TNRC6C: variants seen among roughly 807,000 people sequenced by gnomAD.
TNRC6C encodes trinucleotide repeat-containing gene 6C protein.
In TNRC6C, 20 loss-of-function variants were observed where a neutral mutation model predicts 153.7. The ratio of observed to expected loss-of-function variants is 0.13; its 90% CI spans 0.09 to 0.19. The LOEUF is 0.19. Ranked by LOEUF, TNRC6C falls within the 10% of genes least tolerant of loss-of-function variation. The pLI, the probability that TNRC6C is intolerant of heterozygous loss-of-function variation, is 1.00. For missense variants in TNRC6C, 1,987 were observed against 2,172.0 expected (o/e 0.91, Z 1.69); for synonymous variants, 811 against 841.4 (o/e 0.96, Z 0.63).
upstream of TNRC6C, among the ~76,000 whole-genome samples, chr17:78,003,128 G>T (rs2071437786): frequency 6.6e-6 from 1 of 152,138 alleles, no homozygotes; most frequent in Non-Finnish European, 1.5e-5. Context: ...GTGATCAGGT[G>T]GGGGAAACTA....
At chr17:78,052,680 T>C (rs2072561544) in intron 3 of TNRC6C, among the ~76,000 whole-genome samples, 1 of 152,124 alleles carries the variant, frequency 6.6e-6, no homozygotes, top group Admixed American at 6.5e-5. Flanking sequence ...GCTGCATTAA[T>C]TCAATTATGA....
intron 1 of TNRC6C, among the ~76,000 whole-genome samples, chr17:78,006,495 C>T (rs866392126): frequency 0.017 from 77 of 4,632 alleles, no homozygotes; most frequent in East Asian, 0.027. Flanking sequence ...CTTCTTCTTT[C>T]TTCTTCTTCT....
chr17:77,990,159 T>A (rs1008335723), intron 1 of TNRC6C, among the ~76,000 whole-genome samples: 3 of 152,182 alleles, frequency 2.0e-5, no homozygotes, highest in Non-Finnish European at 4.4e-5. Context: ...TTCTGTTCAT[T>A]TTGTCTTCTG....
In TNRC6C at chr17:78,079,351, C is replaced by G; in HGVS notation, c.3211-44C>G. ...CACCCTACCTCCAAACAATGTTACTCTAATGCCTGCCTTGGTAACGTGTTT... is the reference window on the plus strand; with the variant it reads ...CACCCTACCTCCAAACAATGTTACTGTAATGCCTGCCTTGGTAACGTGTTT... On this transcript the variant is annotated intron_variant, in intron 9 of 19. Transcript: ENST00000301624. The surrounding 1 kb of genome is among the most constrained non-coding windows in gnomAD (Gnocchi z 4.3). 1 of 1,604,164 alleles carries G rather than the reference C, an allele frequency of 6.2e-7. No individual in the cohort carries two copies.
chr17:78,098,558 G>T, intron 17 of TNRC6C, 21 bp downstream of exon 20: 2 of 1,604,766 alleles, frequency 1.2e-6, no homozygotes, highest in South Asian at 1.1e-5. Flanking sequence ...TGCTCCTCGT[G>T]TTCCGATGGG....
At chr17:78,066,069 A>G (rs1029524337) in intron 4 of TNRC6C, among the ~76,000 whole-genome samples, 5 of 152,072 alleles carry the variant, frequency 3.3e-5, no homozygotes, top group Admixed American at 6.6e-5. Context: ...CATCTCTACT[A>G]AAAATACAAA....
chr17:78,062,598 A>C lies in TNRC6C; in HGVS notation c.2396-2124A>C, dbSNP rs986150003. On this transcript the variant is annotated intron_variant, in intron 3 of 19. Coordinates refer to ENST00000301624, the Ensembl canonical transcript of TNRC6C. ...AAAATTACAACTGATACAAGCTGTC[A>C]ACATATCAACAGTGTCAGGTGAGCT... Among the ~76,000 whole-genome samples, 5 of 152,242 alleles carry C rather than the reference A, an allele frequency of 3.3e-5. No individual in the cohort carries two copies. In the South Asian group the frequency reaches 6.2e-4, roughly 19 times the overall value.
chr17:78,051,080 A>G, exon 3 of TNRC6C: 1 of 1,604,056 alleles, frequency 6.2e-7, no homozygotes. Flanking sequence ...AAACCCCAAG[A>G]CAACAATGTG....
intron 2 of TNRC6C, among the ~76,000 whole-genome samples, chr17:78,046,371 T>C (rs1253929969): frequency 1.3e-5 from 2 of 151,976 alleles, no homozygotes; most frequent in Non-Finnish European, 2.9e-5. Flanking sequence ...AGAGACGAGG[T>C]TTCACCATGT....
chr17:78,045,351 G>A (rs1274229164), intron 2 of TNRC6C, among the ~76,000 whole-genome samples: 1 of 152,066 alleles, frequency 6.6e-6, no homozygotes, highest in Non-Finnish European at 1.5e-5. Flanking sequence ...CATCCTTAGG[G>A]CACTTCAGCT....
At chr17:78,025,217 C>G (rs1429327687) in intron 1 of TNRC6C, among the ~76,000 whole-genome samples, 1 of 152,144 alleles carries the variant, frequency 6.6e-6, no homozygotes, top group Non-Finnish European at 1.5e-5. Context: ...CTAAAAATCC[C>G]CTGTGCTCCG....
At chr17:78,019,001 T>C (rs775891087) in intron 1 of TNRC6C, among the ~76,000 whole-genome samples, 2 of 149,502 alleles carry the variant, frequency 1.3e-5, no homozygotes, top group African/African-American at 2.6e-5. Flanking sequence ...TTGCTGTTTC[T>C]GAGACTACAT....
At chr17:78,027,776 T>C (rs1277797449) in intron 1 of TNRC6C, among the ~76,000 whole-genome samples, 1 of 152,164 alleles carries the variant, frequency 6.6e-6, no homozygotes, top group Non-Finnish European at 1.5e-5. Flanking sequence ...ATGTAAGTGA[T>C]GGTAACCTGT....
At chr17:78,031,616 T>A (rs1028372933) in exon 2 of TNRC6C, 33 of 1,232,368 alleles carry the variant, frequency 2.7e-5, no homozygotes, top group Non-Finnish European at 3.3e-5. Flanking sequence ...ATGGCAAACG[T>A]GCATCTGCCA....
At chr17:78,069,444 A>T (rs542442275) in intron 5 of TNRC6C, among the ~76,000 whole-genome samples, 1 of 152,200 alleles carries the variant, frequency 6.6e-6, no homozygotes, top group East Asian at 1.9e-4. Flanking sequence ...TTGCTGTGTC[A>T]CCTTAGGGGC....
At chr17:78,105,457 A>C (rs1010362275) in exon 20 of TNRC6C, 3 of 152,226 alleles carry the variant, frequency 2.0e-5, no homozygotes, top group Non-Finnish European at 4.4e-5. Flanking sequence ...ATATTTTTTA[A>C]AAGTTAAAAA....
At position 78,098,399 on chromosome 17, in the gene TNRC6C, G is replaced by A. The variant is rs149684659; in HGVS notation, c.4363G>A (p.Ala1455Thr). ...CTCTGGCCCTACCTCCCACACGCAA[G>A]CCTCTCTGTCTCATGAACTATGGAA... Residue 1455 changes from alanine to threonine, a missense_variant, in exon 17 of 20, where the codon GCC (alanine) becomes ACC (threonine). Coordinates refer to ENST00000301624, the Ensembl canonical transcript of TNRC6C. 8.7e-6 allele frequency: 14 copies of A among 1,613,758 alleles called. No individual in the cohort carries two copies. The highest frequency in any genetic ancestry group is 1.3e-5 in the African/African-American group (1 of 74,900).
chr17:78,041,864 T>G (rs898873862), intron 2 of TNRC6C, among the ~76,000 whole-genome samples: 1 of 152,232 alleles, frequency 6.6e-6, no homozygotes, highest in Non-Finnish European at 1.5e-5. Flanking sequence ...TTAAAAGGAC[T>G]GTGATGATAA....
upstream of TNRC6C, chr17:78,004,921 AAATT>A: frequency 1.5e-6 from 1 of 660,230 alleles, no homozygotes. Context: ...AAATTGTAAT[AAATT>A]AACTGGGCAA....
Sources: allele counts gnomAD v4.1 joint callset (sites outside exome capture counted in the v4.1 genomes callset), GRCh38; gene constraint gnomAD v4.1.1; non-coding constraint Gnocchi (gnomAD v3.1); transcripts MANE v1.5; gene names NCBI Gene and HGNC (gene_info 2026-07-23, HGNC 2026-07-21).